LARGE1: variants seen among roughly 807,000 people sequenced by gnomAD.
LARGE1 encodes the protein LARGE xylosyl- and glucuronyltransferase 1.
A neutral mutation model predicts 87.6 loss-of-function variants in LARGE1; 43 were observed. The ratio of observed to expected loss-of-function variants is 0.49; its 90% CI spans 0.38 to 0.63. LARGE1 has a LOEUF of 0.63. LARGE1 is among the 30% of genes least tolerant of loss of function. The pLI, the probability that LARGE1 is intolerant of heterozygous loss-of-function variation, is 0.00. For missense variants in LARGE1, 802 were observed against 1,000.2 expected (o/e 0.80, Z 2.67); for synonymous variants, 434 against 394.6 (o/e 1.10, Z -1.18).
chr22:33,435,825 A>G (rs752562289), intron 6 of LARGE1, among the ~76,000 whole-genome samples: 1 of 152,224 alleles, frequency 6.6e-6, no homozygotes, highest in African/African-American at 2.4e-5. Context: ...CAGGCACGCC[A>G]ATCCTCTTAA....
chr22:33,904,052 G>T (rs184072108), intron 1 of LARGE1, among the ~76,000 whole-genome samples: 2 of 151,898 alleles, frequency 1.3e-5, no homozygotes, highest in African/African-American at 4.8e-5. Context: ...GAATATTTTC[G>T]GCCATTCTGT....
chr22:33,236,189 T>C (rs758628897), intron 11 of LARGE1, among the ~76,000 whole-genome samples: 3 of 152,190 alleles, frequency 2.0e-5, no homozygotes, highest in Non-Finnish European at 2.9e-5. Flanking sequence ...TCCAGAACTG[T>C]GAGAGCACAA....
intron 11 of LARGE1, among the ~76,000 whole-genome samples, chr22:33,213,741 C>T (rs1193592369): frequency 6.6e-6 from 1 of 152,198 alleles, no homozygotes; most frequent in African/African-American, 2.4e-5. Flanking sequence ...GCAAACTAAA[C>T]AGACTGCAGT....
chr22:33,186,013 T>C (rs889710820), intron 11 of LARGE1, among the ~76,000 whole-genome samples: 2 of 152,098 alleles, frequency 1.3e-5, no homozygotes, highest in African/African-American at 4.8e-5. Context: ...CTGTAGCTAT[T>C]CAAGAACTCA....
In LARGE1 at chr22:33,222,945, C is replaced by A. The variant is rs529572232; in HGVS notation, c.1731-56113G>T. On this transcript the variant is annotated intron_variant, in intron 11 of 11. Coordinates refer to the LARGE1 transcript ENST00000608642. Reference sequence around the variant, plus strand: ...ACAGAGTTGCAGGCCCCCCCAGTCTCCCCTAAATGGGGTCTGCCTACCTGC... The same window carrying A: ...ACAGAGTTGCAGGCCCCCCCAGTCTACCCTAAATGGGGTCTGCCTACCTGC... 3.3e-4 allele frequency among the ~76,000 whole-genome samples: 50 copies of A among 152,290 alleles called. 1 individual carries two copies. The South Asian group carries it at 9.3e-3, about 28-fold the overall frequency.
chr22:33,711,109 C>T (rs567567952), intron 2 of LARGE1, among the ~76,000 whole-genome samples: 2 of 152,088 alleles, frequency 1.3e-5, no homozygotes, highest in Admixed American at 6.5e-5. Flanking sequence ...TGACAAACAC[C>T]GAGCTCCAGC....
the LARGE1 span, among the ~76,000 whole-genome samples, chr22:33,074,966 C>G: frequency 5.1e-4 from 77 of 152,298 alleles, no homozygotes; most frequent in African/African-American, 1.8e-3. Context: ...TTCATATTAT[C>G]TACATTTTGC....
intron 1 of LARGE1, among the ~76,000 whole-genome samples, chr22:33,876,160 C>A (rs1035984775): frequency 1.3e-5 from 2 of 152,138 alleles, no homozygotes; most frequent in African/African-American, 4.8e-5. Flanking sequence ...CCTCTGTGGG[C>A]ACAGTTTATC....
the LARGE1 span, among the ~76,000 whole-genome samples, chr22:33,089,108 T>G: frequency 1.3e-5 from 2 of 152,176 alleles, no homozygotes; most frequent in African/African-American, 2.4e-5. Flanking sequence ...CAACTCCAGA[T>G]CCGATTAATC....
intron 1 of LARGE1, among the ~76,000 whole-genome samples, chr22:33,909,394 A>C (rs1363580838): frequency 2.0e-5 from 3 of 152,062 alleles, no homozygotes; most frequent in Non-Finnish European, 4.4e-5. Flanking sequence ...TCCCCGCTTC[A>C]ATTTGTCCCA....
intron 2 of LARGE1, among the ~76,000 whole-genome samples, chr22:33,703,367 A>T (rs942237320): frequency 5.1e-4 from 77 of 151,568 alleles, no homozygotes; most frequent in East Asian, 4.6e-3. Flanking sequence ...AAAAAAAAAA[A>T]AAAATAAAAT....
chr22:33,587,201 G>A (rs1329024242), intron 5 of LARGE1, among the ~76,000 whole-genome samples: 1 of 152,148 alleles, frequency 6.6e-6, no homozygotes, highest in East Asian at 1.9e-4. Flanking sequence ...TGAATGTTGG[G>A]ATTTAGGTTG....
At chr22:33,921,036 CG>C (rs1456861617), upstream of LARGE1, among the ~76,000 whole-genome samples, 12 of 148,500 alleles carry the variant, frequency 8.1e-5, no homozygotes, top group Non-Finnish European at 1.3e-4. The surrounding 1 kb of genome is among the most constrained non-coding windows in gnomAD (Gnocchi z 4.1). Flanking sequence ...TCTGTGCAGC[CG>C]GGGGGGACCG....
At chr22:33,622,723 G>T (rs1569319985) in intron 4 of LARGE1, among the ~76,000 whole-genome samples, 1 of 152,138 alleles carries the variant, frequency 6.6e-6, no homozygotes, top group African/African-American at 2.4e-5. Context: ...GCTGGCCCTG[G>T]GTTTCTTCTT....
rs145167302 is a variant in LARGE1, at chr22:33,327,650, G to A, written c.1287+9996C>T. Among the ~76,000 whole-genome samples, 1,177 of 152,232 alleles carry A rather than the reference G, an allele frequency of 7.7e-3. 21 individuals carry two copies. The highest frequency in any genetic ancestry group is 0.027 in the African/African-American group (1,132 of 41,526). On this transcript the variant is annotated intron_variant, in intron 10 of 14. Coordinates refer to ENST00000397394, the MANE Select transcript of LARGE1 (RefSeq NM_133642.5). The stretch of plus-strand genomic sequence containing the variant: ...GATTCACTGCAGCCTCGACCTCCCA[G>A]GCTCAAGTGATCCTCCCACCACAAC...
At chr22:33,443,336 G>A (rs529377926) in intron 6 of LARGE1, among the ~76,000 whole-genome samples, 1 of 152,286 alleles carries the variant, frequency 6.6e-6, no homozygotes, top group South Asian at 2.1e-4. Flanking sequence ...AATGGCTACA[G>A]CGGGCATCAC....
At chr22:33,803,046 C>G (rs767617103) in intron 1 of LARGE1, among the ~76,000 whole-genome samples, 1 of 152,232 alleles carries the variant, frequency 6.6e-6, no homozygotes, top group South Asian at 2.1e-4. Flanking sequence ...TAAAAGATGA[C>G]GACGGATACC....
At chr22:33,590,637 C>T (rs1207718035) in intron 5 of LARGE1, among the ~76,000 whole-genome samples, 1 of 152,188 alleles carries the variant, frequency 6.6e-6, no homozygotes, top group Non-Finnish European at 1.5e-5. Flanking sequence ...GAACCATTTA[C>T]CATGCAGTCT....
intron 12 of LARGE1, among the ~76,000 whole-genome samples, chr22:33,297,707 G>A (rs543731159): frequency 1.4e-4 from 21 of 150,840 alleles, no homozygotes; most frequent in African/African-American, 3.9e-4. Context: ...TTAAAGATGA[G>A]GATTCCTCAC....
Sources: gnomAD v4.1 joint callset for allele counts (sites outside exome capture counted in the v4.1 genomes callset) on GRCh38, gnomAD v4.1.1 for gene constraint, Gnocchi (gnomAD v3.1) non-coding constraint, MANE v1.5 for transcripts, NCBI Gene and HGNC (gene_info 2026-07-23, HGNC 2026-07-21) for gene names.